Variants in BHLHA9 observed in about 807,000 individuals in gnomAD.
BHLHA9 encodes the protein basic helix-loop-helix family member a9.
For missense variants in BHLHA9, 344 were observed against 365.9 expected, an observed-to-expected ratio of 0.94 and a Z score of 0.49; for synonymous variants, 177 against 179.7, an observed-to-expected ratio of 0.98 and a Z score of 0.12.
rs1198127410 is a variant in BHLHA9 at position 1,271,175 on chromosome 17, C to G, written c.612C>G (p.Ser204Arg). 2 of 1,244,088 alleles carry G rather than the reference C, an allele frequency of 1.6e-6. No individual in the cohort carries two copies. The highest frequency in any genetic ancestry group is 3.1e-5 in the African/African-American group (2 of 64,370). 77.1% of individuals were successfully genotyped at this position (1,244,088 alleles called of 1,614,324 possible). A position where few individuals can be genotyped will look rare whatever the true frequency, so the allele number is the denominator to read the frequency against. The change falls in exon 1 of 1, where the codon AGC (serine) becomes AGG (arginine). Residue 204 changes from serine to arginine, a missense_variant. Physicochemically the swap from Ser to Arg is moderately radical, Grantham distance 110 (BLOSUM62 -1). Transcript: ENST00000391429. ...GCCTAGCACAGGCCTCCGGGGGAAG[C>G]TGGCGCCGCTGTCCGGGGGCTTCCT... is the stretch of plus-strand genomic sequence containing the variant. ...GPGLAQASGG[S>R]WRRCPGASSA...
chr17:1,271,433 G>A lies in BHLHA9; in HGVS notation c.*162G>A, dbSNP rs891469385. ...AGAGAGAAGGAGCTCCGGGACCCGG[G>A]GTTGCGCCCCCACATCCCAGCCTGG... On this transcript the variant is annotated 3_prime_UTR_variant, in exon 1 of 1. Transcript: ENST00000391429. 8.1e-6 allele frequency: 4 copies of A among 496,716 alleles called. No homozygotes were observed. The highest frequency in any genetic ancestry group is 3.5e-5 in the East Asian group (1 of 28,186). The allele number at this position is 496,716 out of a possible 1,614,324, so 30.8% of individuals were successfully genotyped here.
At position 1,270,816 on chromosome 17, in the gene BHLHA9, T is replaced by C; in HGVS notation, c.253T>C (p.Phe85Leu). Residue 85 changes from phenylalanine (F) to leucine (L), a missense_variant, in exon 1 of 1, where the codon TTC becomes CTC. Coordinates refer to ENST00000391429, the MANE Select transcript of BHLHA9 (RefSeq NM_001164405.2). ...GCGCATCCTAGACTACAACGAGGCC[T>C]TCAACGCGCTGCGCCGGGCGCTGCG... The part of the protein sequence containing the change: ...RKRILDYNEA[F>L]NALRRALRHD... 6.8e-7 allele frequency: 1 copy of C among 1,474,226 alleles called. No individual in the cohort carries two copies. Among genetic ancestry groups the C allele is most frequent in the Non-Finnish European group, 8.9e-7 (1 of 1,118,588 alleles). 91.3% of individuals were successfully genotyped at this position (1,474,226 alleles called of 1,614,324 possible).
At position 1,270,836 on chromosome 17, in the gene BHLHA9, G is replaced by A. The variant is rs762132480; in HGVS notation, c.273G>A (p.Ala91=). Reference sequence around the variant, plus strand: ...AGGCCTTCAACGCGCTGCGCCGGGCGCTGCGGCACGACCTGGGCGGCAAGA... The same window carrying A: ...AGGCCTTCAACGCGCTGCGCCGGGCACTGCGGCACGACCTGGGCGGCAAGA... The part of the protein sequence containing the change: ...YNEAFNALRR[A]LRHDLGGKRL... The change falls in exon 1 of 1, where the codon GCG becomes GCA. Residue 91 remains alanine, a synonymous_variant. Transcript: ENST00000391429. 1.0e-5 allele frequency: 15 copies of A among 1,476,542 alleles called. No homozygotes were observed. Among genetic ancestry groups the A allele is most frequent in the Non-Finnish European group, 1.3e-5 (15 of 1,119,538 alleles). The allele number at this position is 1,476,542 out of a possible 1,614,324, so 91.5% of individuals were successfully genotyped here. A position where few individuals can be genotyped will look rare whatever the true frequency, so the allele number is the denominator to read the frequency against.
chr17:1,270,627 G>T lies in BHLHA9; in HGVS notation c.64G>T (p.Asp22Tyr). 7.7e-7 allele frequency: 1 copy of T among 1,300,410 alleles called. No homozygotes were observed. The highest frequency in any genetic ancestry group is 2.5e-5 in the South Asian group (1 of 39,902). 80.6% of individuals were successfully genotyped at this position (1,300,410 alleles called of 1,614,324 possible). A position where few individuals can be genotyped will look rare whatever the true frequency, so the allele number is the denominator to read the frequency against. ...ARKGAEDSAE[D>Y]LGGPCPEPGG... ...GAAGGGGGCCGAGGACTCTGCGGAG[G>T]ACTTGGGGGGCCCCTGCCCCGAGCC... The change falls in exon 1 of 1, where the codon GAC becomes TAC. Residue 22 changes from aspartate to tyrosine, a missense_variant. Coordinates refer to ENST00000391429, the MANE Select transcript of BHLHA9 (RefSeq NM_001164405.2).
chr17:1,270,903 A>C lies in BHLHA9; in HGVS notation c.340A>C (p.Ile114Leu). ...IATLRRAIHR[I>L]AALSLVLRAS... ...CACGCTGCGCAGGGCCATCCACCGC[A>C]TCGCCGCGCTCTCCCTGGTCCTGCG... Residue 114 changes from isoleucine (I) to leucine (L), a missense_variant, in exon 1 of 1, where the codon ATC (isoleucine) becomes CTC (leucine). Physicochemically the swap from Ile to Leu is conservative, Grantham distance 5. Coordinates refer to ENST00000391429, the MANE Select transcript of BHLHA9 (RefSeq NM_001164405.2). 7.0e-7 allele frequency: 1 copy of C among 1,429,254 alleles called. No individual in the cohort carries two copies. Among genetic ancestry groups the C allele is most frequent in the Non-Finnish European group, 9.1e-7 (1 of 1,093,014 alleles). The allele number at this position is 1,429,254 out of a possible 1,614,324, so 88.5% of individuals were successfully genotyped here.
rs928336914 is a variant in BHLHA9 at position 1,271,440 on chromosome 17, C to T, written c.*169C>T. Reference sequence around the variant, plus strand: ...AGGAGCTCCGGGACCCGGGGTTGCGCCCCCACATCCCAGCCTGGGGCAGAG... The same window carrying T: ...AGGAGCTCCGGGACCCGGGGTTGCGTCCCCACATCCCAGCCTGGGGCAGAG... On this transcript the variant is annotated 3_prime_UTR_variant, in exon 1 of 1. Transcript: ENST00000391429. The T allele has an allele frequency of 2.2e-6, 1 of 456,700 alleles. No homozygotes were observed. The highest frequency in any genetic ancestry group is 3.7e-6 in the Non-Finnish European group (1 of 268,030). The allele number at this position is 456,700 out of a possible 1,614,324, so 28.3% of individuals were successfully genotyped here.
chr17:1,271,766 G>T lies in BHLHA9; in HGVS notation c.*495G>T, dbSNP rs527808432. On this transcript the variant is annotated 3_prime_UTR_variant, in exon 1 of 1. Coordinates refer to ENST00000391429, the MANE Select transcript of BHLHA9 (RefSeq NM_001164405.2). ...CCCAAGCCTGATCCGGGAGAGGCAG[G>T]ATCCGGGAGAGGCAGGCAGGGGCAG... Among the ~76,000 whole-genome samples the T allele has an allele frequency of 2.0e-5, 3 of 152,354 alleles. No individual in the cohort carries two copies. The highest frequency in any genetic ancestry group is 2.0e-4 in the Admixed American group (3 of 15,308).
rs1008519083 is a variant in BHLHA9 at position 1,271,038 on chromosome 17, A to G, written c.475A>G (p.Ser159Gly). The G allele has an allele frequency of 2.7e-3, 3,235 of 1,186,132 alleles. 7 individuals are homozygous for G. Among genetic ancestry groups the G allele is most frequent in the Non-Finnish European group, 3.1e-3 (2,971 of 961,224 alleles). 73.5% of individuals were successfully genotyped at this position (1,186,132 alleles called of 1,614,324 possible). The stretch of plus-strand genomic sequence containing the variant: ...CAGCCCCCCGCCGCCTGCAGGGCCC[A>G]GCCTCGCGCGCCCAGACGCCGCCCG... ...GASPPPPAGP[S>G]LARPDAARPS... is the part of the protein sequence containing the mutation. The change falls in exon 1 of 1, where the codon AGC becomes GGC. Residue 159 changes from serine (S) to glycine (G), a missense_variant. By Grantham distance (56) the Ser-to-Gly change is moderately conservative. Coordinates refer to ENST00000391429, the MANE Select transcript of BHLHA9 (RefSeq NM_001164405.2).
At position 1,271,147 on chromosome 17, in the gene BHLHA9, C is replaced by T; in HGVS notation, c.584C>T (p.Pro195Leu). Reference protein sequence around the residue: ...LARPSAVAEGPGLAQASGGSW... With the variant: ...LARPSAVAEGLGLAQASGGSW... ...CGGCCCAGTGCGGTGGCCGAGGGGC[C>T]GGGCCTAGCACAGGCCTCCGGGGGA... The change falls in exon 1 of 1, where the codon CCG becomes CTG. Residue 195 changes from proline (P) to leucine (L), a missense_variant. Physicochemically the swap from Pro to Leu is moderately conservative, Grantham distance 98. Coordinates refer to ENST00000391429, the MANE Select transcript of BHLHA9 (RefSeq NM_001164405.2). 3.2e-6 allele frequency: 4 copies of T among 1,236,822 alleles called. No individual in the cohort carries two copies. Among genetic ancestry groups the T allele is most frequent in the Non-Finnish European group, 4.0e-6 (4 of 990,150 alleles). The allele number at this position is 1,236,822 out of a possible 1,614,324, so 76.6% of individuals were successfully genotyped here. A position where few individuals can be genotyped will look rare whatever the true frequency, so the allele number is the denominator to read the frequency against.
chr17:1,270,540 A>T lies in BHLHA9; in HGVS notation c.-24A>T. The T allele has an allele frequency of 8.1e-7, 1 of 1,228,576 alleles. No individual in the cohort carries two copies. Among genetic ancestry groups the T allele is most frequent in the Non-Finnish European group, 1.0e-6 (1 of 973,964 alleles). 76.1% of individuals were successfully genotyped at this position (1,228,576 alleles called of 1,614,324 possible). The stretch of plus-strand genomic sequence containing the variant: ...GAGGGCAGAGGGCCGGGGCTGGGGC[A>T]GAGGGCGAGTGCCCGGGAAGGCCAT... On this transcript the variant is annotated 5_prime_UTR_variant, in exon 1 of 1. Coordinates refer to ENST00000391429, the MANE Select transcript of BHLHA9 (RefSeq NM_001164405.2).
At position 1,270,553 on chromosome 17, in the gene BHLHA9, C is replaced by T. The variant is rs368846093; in HGVS notation, c.-11C>T. 6.3e-6 allele frequency: 8 copies of T among 1,264,412 alleles called. No individual in the cohort carries two copies. In the East Asian group the frequency reaches 9.5e-5, roughly 15 times the overall value. The allele number at this position is 1,264,412 out of a possible 1,614,324, so 78.3% of individuals were successfully genotyped here. On this transcript the variant is annotated 5_prime_UTR_variant, in exon 1 of 1. Coordinates refer to ENST00000391429, the MANE Select transcript of BHLHA9 (RefSeq NM_001164405.2). ...CGGGGCTGGGGCAGAGGGCGAGTGC[C>T]CGGGAAGGCCATGCTGCGGGGCGCG... is the stretch of plus-strand genomic sequence containing the variant.
Position 1,271,204 on chromosome 17 carries a change from C to T in BHLHA9, c.641C>T (p.Ala214Val), listed in dbSNP as rs2071881242. ...SWRRCPGASSAGPPPWPRGYL... is the reference protein window; with the variant it reads ...SWRRCPGASSVGPPPWPRGYL... ...CGCCGCTGTCCGGGGGCTTCCTCTG[C>T]CGGGCCGCCTCCCTGGCCGCGGGGC... is the stretch of plus-strand genomic sequence containing the variant. The change falls in exon 1 of 1, where the codon GCC becomes GTC. Residue 214 changes from alanine to valine, a missense_variant. Ala to Val is a moderately conservative substitution (Grantham distance 64). Coordinates refer to ENST00000391429, the MANE Select transcript of BHLHA9 (RefSeq NM_001164405.2). 5 of 1,252,148 alleles carry T rather than the reference C, an allele frequency of 4.0e-6. No individual in the cohort carries two copies. In the East Asian group the frequency reaches 1.3e-4, roughly 32 times the overall value. The allele number at this position is 1,252,148 out of a possible 1,614,324, so 77.6% of individuals were successfully genotyped here.
rs1249159476 is a variant in BHLHA9 at position 1,270,907 on chromosome 17, C to T, written c.344C>T (p.Ala115Val). The change falls in exon 1 of 1, where the codon GCC becomes GTC. Residue 115 changes from alanine (A) to valine (V), a missense_variant. Ala to Val is a moderately conservative substitution (Grantham distance 64). Coordinates refer to ENST00000391429, the MANE Select transcript of BHLHA9 (RefSeq NM_001164405.2). Reference protein sequence around the residue: ...ATLRRAIHRIAALSLVLRASP... With the variant: ...ATLRRAIHRIVALSLVLRASP... Reference sequence around the variant, plus strand: ...CTGCGCAGGGCCATCCACCGCATCGCCGCGCTCTCCCTGGTCCTGCGCGCC... The same window carrying T: ...CTGCGCAGGGCCATCCACCGCATCGTCGCGCTCTCCCTGGTCCTGCGCGCC... 16 of 1,424,380 alleles carry T rather than the reference C, an allele frequency of 1.1e-5. No homozygotes were observed. Among genetic ancestry groups the T allele is most frequent in the African/African-American group, 1.5e-5 (1 of 67,308 alleles). The allele number at this position is 1,424,380 out of a possible 1,614,324, so 88.2% of individuals were successfully genotyped here. A position where few individuals can be genotyped will look rare whatever the true frequency, so the allele number is the denominator to read the frequency against.
rs768861979 is a variant in BHLHA9, at chr17:1,270,832, G to C, written c.269G>C (p.Arg90Pro). The C allele has an allele frequency of 8.1e-6, 12 of 1,476,350 alleles. No homozygotes were observed. The highest frequency in any genetic ancestry group is 3.0e-5 in the East Asian group (1 of 33,604). The allele number at this position is 1,476,350 out of a possible 1,614,324, so 91.5% of individuals were successfully genotyped here. Residue 90 changes from arginine (R) to proline (P), a missense_variant, in exon 1 of 1, where the codon CGG becomes CCG. Arg to Pro is a moderately radical substitution (Grantham distance 103). Transcript: ENST00000391429. ...DYNEAFNALR[R>P]ALRHDLGGKR... ...AACGAGGCCTTCAACGCGCTGCGCCGGGCGCTGCGGCACGACCTGGGCGGC... is the reference window on the plus strand; with the variant it reads ...AACGAGGCCTTCAACGCGCTGCGCCCGGCGCTGCGGCACGACCTGGGCGGC...
Position 1,271,021 on chromosome 17 carries a change from C to T in BHLHA9, c.458C>T (p.Pro153Leu), listed in dbSNP as rs1428554070. 1.7e-6 allele frequency: 2 copies of T among 1,194,812 alleles called. No individual in the cohort carries two copies. Among genetic ancestry groups the T allele is most frequent in the Non-Finnish European group, 2.1e-6 (2 of 965,294 alleles). 74.0% of individuals were successfully genotyped at this position (1,194,812 alleles called of 1,614,324 possible). Residue 153 changes from proline (P) to leucine (L), a missense_variant, in exon 1 of 1, where the codon CCG becomes CTG. Pro to Leu is a moderately conservative substitution (Grantham distance 98). Transcript: ENST00000391429. ...GDTGDTGASP[P>L]PPAGPSLARP... is the part of the protein sequence containing the mutation. ...ACCGGGGACACAGGCGCCAGCCCCC[C>T]GCCGCCTGCAGGGCCCAGCCTCGCG...
In BHLHA9 at chr17:1,271,279, C is replaced by T; in HGVS notation, c.*8C>T. ...GGCCATCCGCGCTCCTGACCGGCCTCGAGGCACCGGCTGGGCTGCAGGGAG... is the reference window on the plus strand; with the variant it reads ...GGCCATCCGCGCTCCTGACCGGCCTTGAGGCACCGGCTGGGCTGCAGGGAG... On this transcript the variant is annotated 3_prime_UTR_variant, in exon 1 of 1. Transcript: ENST00000391429. 8.0e-7 allele frequency: 1 copy of T among 1,248,338 alleles called. No homozygotes were observed. The highest frequency in any genetic ancestry group is 1.0e-6 in the Non-Finnish European group (1 of 988,408). 77.3% of individuals were successfully genotyped at this position (1,248,338 alleles called of 1,614,324 possible).
rs672601339 is a variant in BHLHA9, at chr17:1,270,787, G to T, written c.224G>T (p.Arg75Leu). ...ARRMAANVRE[R>L]KRILDYNEAF... ...CGCATGGCCGCCAACGTGCGGGAGCGCAAGCGCATCCTAGACTACAACGAG... is the reference window on the plus strand; with the variant it reads ...CGCATGGCCGCCAACGTGCGGGAGCTCAAGCGCATCCTAGACTACAACGAG... The change falls in exon 1 of 1, where the codon CGC becomes CTC. Residue 75 changes from arginine (R) to leucine (L), a missense_variant. Transcript: ENST00000391429. The T allele has an allele frequency of 1.4e-6, 2 of 1,471,728 alleles. No homozygotes were observed. Among genetic ancestry groups the T allele is most frequent in the Non-Finnish European group, 1.8e-6 (2 of 1,116,684 alleles). 91.2% of individuals were successfully genotyped at this position (1,471,728 alleles called of 1,614,324 possible). A position where few individuals can be genotyped will look rare whatever the true frequency, so the allele number is the denominator to read the frequency against.
In BHLHA9 at chr17:1,271,755, G is replaced by A. The variant is rs1364613709; in HGVS notation, c.*484G>A. 3.3e-5 allele frequency among the ~76,000 whole-genome samples: 5 copies of A among 152,340 alleles called. No homozygotes were observed. In the East Asian group the frequency reaches 5.8e-4, roughly 18 times the overall value. On this transcript the variant is annotated 3_prime_UTR_variant, in exon 1 of 1. Transcript: ENST00000391429. ...CTGCGCTGCTGCCCAAGCCTGATCC[G>A]GGAGAGGCAGGATCCGGGAGAGGCA...
In BHLHA9 at chr17:1,271,040, C is replaced by T; in HGVS notation, c.477C>T (p.Ser159=). The T allele has an allele frequency of 8.4e-7, 1 of 1,184,410 alleles. No homozygotes were observed. The highest frequency in any genetic ancestry group is 1.0e-6 in the Non-Finnish European group (1 of 959,984). 73.4% of individuals were successfully genotyped at this position (1,184,410 alleles called of 1,614,324 possible). The change falls in exon 1 of 1, where the codon AGC becomes AGT. Residue 159 remains serine (S), a synonymous_variant. Transcript: ENST00000391429. ...GCCCCCCGCCGCCTGCAGGGCCCAG[C>T]CTCGCGCGCCCAGACGCCGCCCGCC... ...GASPPPPAGP[S]LARPDAARPS...
Sources: allele counts gnomAD v4.1 joint callset (sites outside exome capture counted in the v4.1 genomes callset), GRCh38; gene constraint gnomAD v4.1.1; transcripts MANE v1.5; gene names NCBI Gene and HGNC (gene_info 2026-07-23, HGNC 2026-07-21).